The following FMOD variants were observed in gnomAD, a reference collection of about 807,000 sequenced individuals.
The protein encoded by FMOD is fibromodulin, also known as KSPG fibromodulin.
In FMOD, 15 loss-of-function variants were observed where a neutral mutation model predicts 27.0. That is an observed-to-expected ratio of 0.55 (90% confidence interval 0.37 to 0.85). The LOEUF (loss-of-function observed/expected upper bound fraction) is 0.85, where lower values mean the gene tolerates loss of function less well. Ranked by LOEUF, FMOD falls within the 40% of genes least tolerant of loss-of-function variation. The pLI, the probability that FMOD is intolerant of heterozygous loss-of-function variation, is 0.00. For missense variants in FMOD, 460 were observed against 483.2 expected, an observed-to-expected ratio of 0.95 and a Z score of 0.45; for synonymous variants, 210 against 214.0, an observed-to-expected ratio of 0.98 and a Z score of 0.16.
chr1:203,347,050 C>T (rs1658900804), intron 2 of FMOD, among the ~76,000 whole-genome samples: 1 of 152,204 alleles, frequency 6.6e-6, no homozygotes, highest in African/African-American at 2.4e-5. Flanking sequence ...TGGAATGAAA[C>T]TTACCTCTCC....
Position 203,347,744 on chromosome 1 carries a change from C to T in FMOD, c.527G>A (p.Arg176Gln), listed in dbSNP as rs145322178. ...GTCGAGATGGAGCTCTCTCAGGGAT[C>T]GAGGCAGGGGACCGGGCATCCGGGT... ...NLTRMPGPLP[R>Q]SLRELHLDHN... The change falls in exon 2 of 3, where the codon CGA (arginine) becomes CAA (glutamine). Residue 176 changes from arginine to glutamine, a missense_variant. Arg to Gln is a conservative substitution (Grantham distance 43). Coordinates refer to ENST00000354955, the MANE Select transcript of FMOD (RefSeq NM_002023.5). The T allele has an allele frequency of 2.0e-5, 32 of 1,613,880 alleles. No individual in the cohort carries two copies. Among genetic ancestry groups the T allele is most frequent in the Non-Finnish European group, 2.3e-5 (27 of 1,180,024 alleles).
chr1:203,341,769 C>G lies in FMOD; in HGVS notation c.*574G>C, dbSNP rs1162783162. 6.6e-6 allele frequency: 1 copy of G among 152,352 alleles called. No homozygotes were observed. The highest frequency in any genetic ancestry group is 2.4e-5 in the African/African-American group (1 of 41,446). The allele number at this position is 152,352 out of a possible 1,614,324, so 9.4% of individuals were successfully genotyped here. A position where few individuals can be genotyped will look rare whatever the true frequency, so the allele number is the denominator to read the frequency against. ...CAGTGTGGGTTGTCTCCACAGGTTGCTGGGCAGATGCTCACATGCCTTGGG... is the reference window on the plus strand; with the variant it reads ...CAGTGTGGGTTGTCTCCACAGGTTGGTGGGCAGATGCTCACATGCCTTGGG... On this transcript the variant is annotated 3_prime_UTR_variant, in exon 3 of 3. Coordinates refer to ENST00000354955, the MANE Select transcript of FMOD (RefSeq NM_002023.5).
intron 1 of FMOD, among the ~76,000 whole-genome samples, chr1:203,350,526 G>A (rs1302818189): frequency 1.3e-5 from 2 of 151,720 alleles, no homozygotes; most frequent in African/African-American, 4.9e-5. Flanking sequence ...ACAGCTCCCT[G>A]GACATGGCCA....
Position 203,342,333 on chromosome 1 carries a change from C to T in FMOD, c.*10G>A. 1.9e-6 allele frequency: 3 copies of T among 1,606,342 alleles called. No homozygotes were observed. Among genetic ancestry groups the T allele is most frequent in the South Asian group, 1.1e-5 (1 of 90,656 alleles). On this transcript the variant is annotated 3_prime_UTR_variant, in exon 3 of 3. Transcript: ENST00000354955. The stretch of plus-strand genomic sequence containing the variant: ...GGGGCTCTCCGCCCAGTACCCGGTG[C>T]CAGGGCTGCTCAGATCTCGATGAGG...
At chr1:203,348,338 A>C in intron 1 of FMOD, 61 bp from the exon 2 acceptor site, 1 of 1,527,342 alleles carries the variant, frequency 6.5e-7, no homozygotes, top group Non-Finnish European at 8.9e-7. Context: ...AGAGGCAGTG[A>C]GGCAGAGTAG....
intron 2 of FMOD, among the ~76,000 whole-genome samples, chr1:203,345,772 C>A (rs1658876874): frequency 1.3e-5 from 2 of 151,976 alleles, no homozygotes; most frequent in South Asian, 4.2e-4. Flanking sequence ...GTGGCAGGCG[C>A]CTGTAGTCGC....
intron 2 of FMOD, among the ~76,000 whole-genome samples, chr1:203,345,583 A>G (rs973285689): frequency 6.6e-5 from 10 of 152,156 alleles, no homozygotes; most frequent in African/African-American, 2.4e-4. Flanking sequence ...GAAATGTCAA[A>G]CGTCTGCAGC....
intron 2 of FMOD, among the ~76,000 whole-genome samples, chr1:203,347,080 C>G (rs1026590372): frequency 3.3e-5 from 5 of 152,202 alleles, no homozygotes; most frequent in African/African-American, 1.2e-4. Flanking sequence ...TTCTTCTGTA[C>G]CAACCCACTC....
chr1:203,345,321 G>T (rs539963775), intron 2 of FMOD, among the ~76,000 whole-genome samples: 1 of 152,264 alleles, frequency 6.6e-6, no homozygotes, highest in South Asian at 2.1e-4. Context: ...TGGCAGATGT[G>T]GTTCTGCATG....
In FMOD at chr1:203,348,042, G is replaced by T. The variant is rs1299178209; in HGVS notation, c.229C>A (p.Pro77Thr). The change falls in exon 2 of 3, where the codon CCC (proline) becomes ACC (threonine). Residue 77 changes from proline (P) to threonine (T), a missense_variant. By Grantham distance (38) the Pro-to-Thr change is conservative. Transcript: ENST00000354955. ...TTGGGTGGGCAGTCGCACTCCTGGGGGCAGTCGCGGGGATCTGGAGGGGAT... is the reference window on the plus strand; with the variant it reads ...TTGGGTGGGCAGTCGCACTCCTGGGTGCAGTCGCGGGGATCTGGAGGGGAT... ...SPSPPDPRDC[P>T]QECDCPPNFP... The T allele has an allele frequency of 6.2e-7, 1 of 1,612,432 alleles. No individual in the cohort carries two copies. The highest frequency in any genetic ancestry group is 8.5e-7 in the Non-Finnish European group (1 of 1,179,044).
At chr1:203,342,597 G>A in intron 2 of FMOD, 103 bp from the exon 3 acceptor site, 2 of 1,203,192 alleles carry the variant, frequency 1.7e-6, no homozygotes, top group Non-Finnish European at 2.3e-6. Flanking sequence ...TAAAGGGGTG[G>A]AAGTTGGGGA....
Position 203,347,718 on chromosome 1 carries a change from G to A in FMOD, c.553C>T (p.His185Tyr). The A allele has an allele frequency of 6.2e-7, 1 of 1,614,038 alleles. No individual in the cohort carries two copies. Among genetic ancestry groups the A allele is most frequent in the Non-Finnish European group, 8.5e-7 (1 of 1,180,040 alleles). ...TTGGGGACCCGTGAGATCTGGTTGT[G>A]GTCGAGATGGAGCTCTCTCAGGGAT... The part of the protein sequence containing the change: ...PRSLRELHLD[H>Y]NQISRVPNNA... The change falls in exon 2 of 3, where the codon CAC becomes TAC. Residue 185 changes from histidine (H) to tyrosine (Y), a missense_variant. By Grantham distance (83) the His-to-Tyr change is moderately conservative (BLOSUM62 2). Transcript: ENST00000354955.
intron 2 of FMOD, 24 bp from the exon 3 acceptor site, chr1:203,342,518 G>C: frequency 6.2e-7 from 1 of 1,602,266 alleles, no homozygotes; most frequent in Non-Finnish European, 8.5e-7. Context: ...AGGAGCACGG[G>C]TCAGGGAGAG....
chr1:203,343,350 C>A (rs1206383380), intron 2 of FMOD, among the ~76,000 whole-genome samples: 1 of 152,184 alleles, frequency 6.6e-6, no homozygotes, highest in Non-Finnish European at 1.5e-5. Context: ...TTTGACAAAT[C>A]AACCACTCTG....
At chr1:203,345,330 T>C (rs58711618) in intron 2 of FMOD, among the ~76,000 whole-genome samples, 1 of 152,214 alleles carries the variant, frequency 6.6e-6, no homozygotes, top group Admixed American at 6.5e-5. Context: ...TGGTTCTGCA[T>C]GAAGGCAGAA....
chr1:203,348,886 C>T (rs1238059630), intron 1 of FMOD, among the ~76,000 whole-genome samples: 1 of 152,178 alleles, frequency 6.6e-6, no homozygotes, highest in Non-Finnish European at 1.5e-5. Context: ...AGTGTGGTCC[C>T]TCTGCAGCCA....
At position 203,351,070 on chromosome 1, in the gene FMOD, T is replaced by C. The variant is rs1469476071; in HGVS notation, c.-45A>G. ...TTTTCAGAGAGTGACCACGTCCCTC[T>C]GTCTGGCCTCCTTGGGTTGGAGAAC... On this transcript the variant is annotated 5_prime_UTR_variant, in exon 1 of 3. Transcript: ENST00000354955. 1 of 152,312 alleles carries C rather than the reference T, an allele frequency of 6.6e-6. No individual in the cohort carries two copies. The highest frequency in any genetic ancestry group is 6.5e-5 in the Admixed American group (1 of 15,282). 9.4% of individuals were successfully genotyped at this position (152,312 alleles called of 1,614,324 possible). A position where few individuals can be genotyped will look rare whatever the true frequency, so the allele number is the denominator to read the frequency against.
In FMOD at chr1:203,342,332, G is replaced by C; in HGVS notation, c.*11C>G. ...GGGGGCTCTCCGCCCAGTACCCGGTGCCAGGGCTGCTCAGATCTCGATGAG... is the reference window on the plus strand; with the variant it reads ...GGGGGCTCTCCGCCCAGTACCCGGTCCCAGGGCTGCTCAGATCTCGATGAG... On this transcript the variant is annotated 3_prime_UTR_variant, in exon 3 of 3. Transcript: ENST00000354955. 6.2e-7 allele frequency: 1 copy of C among 1,606,450 alleles called. No individual in the cohort carries two copies.
chr1:203,349,953 G>T (rs1356542401), intron 1 of FMOD, among the ~76,000 whole-genome samples: 1 of 152,244 alleles, frequency 6.6e-6, no homozygotes, highest in Non-Finnish European at 1.5e-5. Flanking sequence ...GCCTGGGCAA[G>T]CTGGCTGGTT....
Sources: gnomAD v4.1 joint callset for allele counts (sites outside exome capture counted in the v4.1 genomes callset) on GRCh38, gnomAD v4.1.1 for gene constraint, MANE v1.5 for transcripts, NCBI Gene and HGNC (gene_info 2026-07-23, HGNC 2026-07-21) for gene names.